Variants in SGCZ observed in about 807,000 individuals in gnomAD.
SGCZ encodes zeta-sarcoglycan.
SGCZ carries 40 observed loss-of-function variants against 41.3 expected under a neutral mutation model. The observed-to-expected ratio is 0.97, with a 90% CI of 0.75 to 1.26. The LOEUF (loss-of-function observed/expected upper bound fraction) is 1.26, where lower values mean the gene tolerates loss of function less well. Ranked by LOEUF, SGCZ falls within the 50% of genes most tolerant of loss-of-function variation. The pLI is 0.00. For synonymous variants in SGCZ, 206 were observed against 137.5 expected (o/e 1.50, Z -3.49); for missense variants, 552 against 369.8 (o/e 1.49, Z -4.04).
chr8:15,016,369 C>A (rs569014145), intron 1 of SGCZ, among the ~76,000 whole-genome samples: 10 of 152,324 alleles, frequency 6.6e-5, no homozygotes, highest in African/African-American at 2.4e-4. Context: ...CCATCTGATC[C>A]ACCAGGGGAA....
Position 14,455,651 on chromosome 8 carries a change from C to G in SGCZ, c.234+99081G>C, listed in dbSNP as rs79631265. The stretch of plus-strand genomic sequence containing the variant: ...CAATAATATGGAAATATATATGCAT[C>G]AGATCATTTGTGTTTTATTTGCAAT... On this transcript the variant is annotated intron_variant, in intron 2 of 7. Coordinates refer to ENST00000382080, the MANE Select transcript of SGCZ (RefSeq NM_139167.4). Among the ~76,000 whole-genome samples the G allele has an allele frequency of 5.3e-5, 8 of 152,280 alleles. No homozygotes were observed. The East Asian group carries it at 7.7e-4, about 15-fold the overall frequency.
intron 1 of SGCZ, among the ~76,000 whole-genome samples, chr8:15,195,658 C>G (rs1010973927): frequency 3.9e-5 from 6 of 152,242 alleles, no homozygotes; most frequent in African/African-American, 1.2e-4. Flanking sequence ...TATAAGGCAA[C>G]TAAACGTCTC....
intron 1 of SGCZ, among the ~76,000 whole-genome samples, chr8:14,880,987 G>C (rs1190856373): frequency 1.3e-5 from 2 of 151,822 alleles, no homozygotes; most frequent in Admixed American, 6.6e-5. Flanking sequence ...AGACAACTTA[G>C]TAAGAGCCCA....
In SGCZ at chr8:14,412,295, G is replaced by C. The variant is rs1799381154; in HGVS notation, c.235-88091C>G. The stretch of plus-strand genomic sequence containing the variant: ...TTAGACCCTAAGGTATTTTTATAAG[G>C]GTTACAGAAAATATGTGTAAAGCAT... On this transcript the variant is annotated intron_variant, in intron 2 of 7. Transcript: ENST00000382080. 2.0e-5 allele frequency among the ~76,000 whole-genome samples: 3 copies of C among 152,002 alleles called. No homozygotes were observed. The South Asian group carries it at 6.2e-4, about 32-fold the overall frequency.
At chr8:14,885,826 A>C (rs1804767072) in intron 1 of SGCZ, among the ~76,000 whole-genome samples, 1 of 151,676 alleles carries the variant, frequency 6.6e-6, no homozygotes, top group Non-Finnish European at 1.5e-5. Flanking sequence ...TATTTTTCTG[A>C]TTATAAAAAG....
At chr8:14,794,506 C>A (rs1428651433) in intron 1 of SGCZ, among the ~76,000 whole-genome samples, 3 of 151,952 alleles carry the variant, frequency 2.0e-5, no homozygotes, top group Admixed American at 6.6e-5. Flanking sequence ...GAATGTACAA[C>A]AAATATCTGC....
intron 1 of SGCZ, among the ~76,000 whole-genome samples, chr8:14,679,867 C>G (rs559153415): frequency 6.6e-6 from 1 of 151,858 alleles, no homozygotes; most frequent in South Asian, 2.1e-4. Context: ...CATTTTTTCT[C>G]TTTGATACTA....
At chr8:14,227,710 C>G (rs6989764) in intron 4 of SGCZ, among the ~76,000 whole-genome samples, 89,872 of 151,704 alleles carry the variant, frequency 0.59, 26,907 homozygotes, top group South Asian at 0.74. Context: ...TGTCAGGAGT[C>G]TAATAAATAC....
At chr8:14,221,486 G>A (rs1585246458) in intron 4 of SGCZ, among the ~76,000 whole-genome samples, 1 of 152,232 alleles carries the variant, frequency 6.6e-6, no homozygotes, top group African/African-American at 2.4e-5. Context: ...AAATAATACT[G>A]AACCAATGCA....
At chr8:15,140,067 C>T (rs1204696452) in intron 1 of SGCZ, among the ~76,000 whole-genome samples, 2 of 152,002 alleles carry the variant, frequency 1.3e-5, no homozygotes, top group African/African-American at 2.4e-5. Flanking sequence ...GTTGCCCAGG[C>T]TGGAGTGCAC....
At chr8:14,670,686 C>G (rs926658684) in intron 1 of SGCZ, among the ~76,000 whole-genome samples, 6 of 152,184 alleles carry the variant, frequency 3.9e-5, no homozygotes, top group African/African-American at 9.7e-5. Flanking sequence ...ATAGCACTCT[C>G]AATGGTCCAA....
chr8:14,102,277 A>AAGAT (rs2116983262), intron 7 of SGCZ, 99 bp downstream of exon 7: 1 of 1,212,338 alleles, frequency 8.2e-7, no homozygotes, highest in African/African-American at 1.6e-5. Context: ...TTTCTACTGA[A>AAGAT]AGATATTCCT....
chr8:15,045,066 T>C (rs376580292), intron 1 of SGCZ, among the ~76,000 whole-genome samples: 20 of 151,520 alleles, frequency 1.3e-4, no homozygotes, highest in African/African-American at 4.8e-4. Context: ...ACACAGGAAA[T>C]CTCTTGAGCT....
intron 7 of SGCZ, among the ~76,000 whole-genome samples, chr8:14,099,540 C>A (rs548733132): frequency 6.6e-6 from 1 of 152,248 alleles, no homozygotes; most frequent in Admixed American, 6.5e-5. Context: ...GCCTGACCAA[C>A]ATGGCGACAC....
chr8:14,732,143 C>A (rs1258471168), intron 1 of SGCZ, among the ~76,000 whole-genome samples: 1 of 152,176 alleles, frequency 6.6e-6, no homozygotes, highest in Admixed American at 6.5e-5. Flanking sequence ...ATAACAGGAT[C>A]TAGGTCCTTT....
chr8:15,080,580 G>A (rs568837501), intron 1 of SGCZ, among the ~76,000 whole-genome samples: 7 of 152,084 alleles, frequency 4.6e-5, no homozygotes, highest in Admixed American at 2.6e-4. Context: ...AATCTAATAT[G>A]CTTGGTATCT....
chr8:14,551,987 T>G (rs1384782094), intron 2 of SGCZ, among the ~76,000 whole-genome samples: 1 of 151,808 alleles, frequency 6.6e-6, no homozygotes, highest in Non-Finnish European at 1.5e-5. Flanking sequence ...AAATAAAAGA[T>G]GTTAACAGCC....
At chr8:14,885,997 A>T (rs1445322384) in intron 1 of SGCZ, among the ~76,000 whole-genome samples, 1 of 76,818 alleles carries the variant, frequency 1.3e-5, no homozygotes, top group South Asian at 3.8e-4. Flanking sequence ...ATATATATAT[A>T]TATATATATA....
At chr8:14,290,630 A>G (rs561801307) in intron 3 of SGCZ, among the ~76,000 whole-genome samples, 8 of 152,288 alleles carry the variant, frequency 5.3e-5, no homozygotes, top group African/African-American at 1.9e-4. Context: ...AAAAACTTCA[A>G]TGAGATGTCA....
Sources: allele counts gnomAD v4.1 joint callset (sites outside exome capture counted in the v4.1 genomes callset), GRCh38; gene constraint gnomAD v4.1.1; transcripts MANE v1.5; gene names NCBI Gene and HGNC (gene_info 2026-07-23, HGNC 2026-07-21).